Variants in IMMP1L observed in about 807,000 individuals in gnomAD.
IMMP1L encodes mitochondrial inner membrane protease subunit 1.
In IMMP1L, 24 loss-of-function variants were observed where a neutral mutation model predicts 21.8. The observed-to-expected ratio is 1.10, with a 90% CI of 0.80 to 1.55. The LOEUF (loss-of-function observed/expected upper bound fraction) is 1.55, where lower values mean the gene tolerates loss of function less well. IMMP1L is among the 40% of genes most tolerant of loss of function. The pLI is 0.00. For synonymous variants in IMMP1L, 46 were observed against 62.8 expected (o/e 0.73, Z 1.26); for missense variants, 195 against 200.7 (o/e 0.97, Z 0.17).
intron 2 of IMMP1L, among the ~76,000 whole-genome samples, chr11:31,461,545 C>T (rs1373254356): frequency 1.3e-5 from 2 of 152,180 alleles, no homozygotes; most frequent in East Asian, 1.9e-4. Flanking sequence ...TGAGTGTCTA[C>T]ATGACACCAC....
Position 31,432,440 on chromosome 11 carries a change from C to T in IMMP1L, c.*60G>A, listed in dbSNP as rs1029671042. 2.3e-5 allele frequency: 27 copies of T among 1,153,544 alleles called. No individual in the cohort carries two copies. Among genetic ancestry groups the T allele is most frequent in the African/African-American group, 1.8e-4 (12 of 65,790 alleles). The allele number at this position is 1,153,544 out of a possible 1,614,324, so 71.5% of individuals were successfully genotyped here. A position where few individuals can be genotyped will look rare whatever the true frequency, so the allele number is the denominator to read the frequency against. On this transcript the variant is annotated 3_prime_UTR_variant, in exon 6 of 6. Transcript: ENST00000532287. ...TTTATTGGTAAGTACACGGTTTCAACGGGAGTAATAAATTCACATGAAAAG... is the reference window on the plus strand; with the variant it reads ...TTTATTGGTAAGTACACGGTTTCAATGGGAGTAATAAATTCACATGAAAAG...
intron 1 of IMMP1L, among the ~76,000 whole-genome samples, chr11:31,478,633 T>C (rs1954797140): frequency 6.6e-6 from 1 of 152,126 alleles, no homozygotes; most frequent in African/African-American, 2.4e-5. Context: ...CATTGGCTAA[T>C]AACTAAAAAT....
intron 4 of IMMP1L, among the ~76,000 whole-genome samples, chr11:31,442,502 A>C (rs186543584): frequency 6.6e-6 from 1 of 152,236 alleles, no homozygotes; most frequent in Non-Finnish European, 1.5e-5. Context: ...TGGCTAAAAA[A>C]TAGTTGTATG....
intron 1 of IMMP1L, among the ~76,000 whole-genome samples, chr11:31,471,347 T>C (rs1192290034): frequency 6.6e-6 from 1 of 152,154 alleles, no homozygotes; most frequent in Admixed American, 6.6e-5. Flanking sequence ...CCCTCTGAAG[T>C]GTTCCCTGAC....
At chr11:31,458,205 A>C (rs1459819966) in intron 3 of IMMP1L, among the ~76,000 whole-genome samples, 1 of 152,166 alleles carries the variant, frequency 6.6e-6, no homozygotes, top group Admixed American at 6.5e-5. Flanking sequence ...TAGTCTAACT[A>C]GATATATGCA....
intron 1 of IMMP1L, among the ~76,000 whole-genome samples, chr11:31,508,810 GA>G (rs1160591163): frequency 1.3e-5 from 2 of 149,778 alleles, no homozygotes; most frequent in African/African-American, 2.5e-5. Context: ...GCTCAGTTTT[GA>G]AAAAAAAATT....
intron 4 of IMMP1L, among the ~76,000 whole-genome samples, chr11:31,454,950 C>T (rs1255686999): frequency 1.3e-5 from 2 of 152,126 alleles, no homozygotes; most frequent in African/African-American, 4.8e-5. Flanking sequence ...GAAGGTGAAA[C>T]TAAATGGAAA....
chr11:31,447,121 T>G (rs1953553245), intron 4 of IMMP1L, among the ~76,000 whole-genome samples: 1 of 152,198 alleles, frequency 6.6e-6, no homozygotes, highest in African/African-American at 2.4e-5. Context: ...GGCCCTCAAG[T>G]AAGTGCTCAG....
At chr11:31,444,588 C>G (rs1003687168) in intron 4 of IMMP1L, among the ~76,000 whole-genome samples, 2 of 130,422 alleles carry the variant, frequency 1.5e-5, no homozygotes, top group Non-Finnish European at 3.4e-5. Flanking sequence ...CATTTCTATT[C>G]TTTTTTTTTT....
intron 4 of IMMP1L, among the ~76,000 whole-genome samples, chr11:31,450,554 T>A (rs1263410639): frequency 6.6e-6 from 1 of 152,230 alleles, no homozygotes; most frequent in Non-Finnish European, 1.5e-5. Context: ...TCTGCTCTCC[T>A]GGTACACCGT....
chr11:31,440,020 A>G (rs1953266296), intron 4 of IMMP1L, among the ~76,000 whole-genome samples: 1 of 152,184 alleles, frequency 6.6e-6, no homozygotes. Flanking sequence ...GGGAATATCT[A>G]CGTAGATTTC....
intron 1 of IMMP1L, among the ~76,000 whole-genome samples, chr11:31,471,967 A>G (rs1234708795): frequency 1.3e-5 from 2 of 152,172 alleles, no homozygotes. Flanking sequence ...TAGAAGCACT[A>G]ACATTCCTTT....
chr11:31,494,460 T>C (rs1357629143), intron 1 of IMMP1L, among the ~76,000 whole-genome samples: 1 of 152,082 alleles, frequency 6.6e-6, no homozygotes, highest in African/African-American at 2.4e-5. Flanking sequence ...AGGAAACCAT[T>C]TTTCCCTTCT....
At chr11:31,483,368 A>G (rs937044959) in intron 1 of IMMP1L, among the ~76,000 whole-genome samples, 1 of 152,108 alleles carries the variant, frequency 6.6e-6, no homozygotes, top group Non-Finnish European at 1.5e-5. Context: ...AAGATAGTCT[A>G]AATCCTTGTC....
At chr11:31,471,716 A>G (rs1415783966) in intron 1 of IMMP1L, among the ~76,000 whole-genome samples, 1 of 152,140 alleles carries the variant, frequency 6.6e-6, no homozygotes, top group Non-Finnish European at 1.5e-5. Context: ...CTTTCTTATG[A>G]GCTGAGACTG....
intron 3 of IMMP1L, among the ~76,000 whole-genome samples, chr11:31,458,244 T>C (rs1450879149): frequency 6.6e-6 from 1 of 152,188 alleles, no homozygotes; most frequent in African/African-American, 2.4e-5. Context: ...ACATATCGGC[T>C]GGATTCTTAA....
At chr11:31,433,593 G>T in intron 4 of IMMP1L, 23 bp from the exon 5 acceptor site, 1 of 1,444,294 alleles carries the variant, frequency 6.9e-7, no homozygotes, top group Non-Finnish European at 9.7e-7. Context: ...AAGAAATGCA[G>T]CCTCTTAAAG....
chr11:31,452,938 G>T, intron 4 of IMMP1L: 1 of 684,048 alleles, frequency 1.5e-6, no homozygotes, highest in Non-Finnish European at 2.1e-6. Context: ...TTTTAGCAGA[G>T]ACAGGGTTTC....
intron 1 of IMMP1L, chr11:31,488,358 G>A (rs1412056053): frequency 6.6e-6 from 1 of 152,060 alleles, no homozygotes; most frequent in Admixed American, 6.5e-5. Flanking sequence ...TCCTCTTAAT[G>A]GGTCCATGAG....
Sources: allele counts gnomAD v4.1 joint callset (sites outside exome capture counted in the v4.1 genomes callset), GRCh38; gene constraint gnomAD v4.1.1; transcripts MANE v1.5; gene names NCBI Gene and HGNC (gene_info 2026-07-23, HGNC 2026-07-21).